The following ITGA2 variants were observed in gnomAD, a reference collection of about 807,000 sequenced individuals.
ITGA2 encodes integrin subunit alpha 2.
ITGA2 carries 101 observed loss-of-function variants against 146.3 expected under a neutral mutation model. The observed-to-expected ratio is 0.69, with a 90% confidence interval of 0.59 to 0.81. The LOEUF is 0.81. Among genes scored for constraint, ITGA2 ranks in the 40% least tolerant of loss-of-function variants. The pLI is 0.00. For synonymous variants in ITGA2, 477 were observed against 487.1 expected (o/e 0.98, Z 0.27); for missense variants, 1,281 against 1,402.7 (o/e 0.91, Z 1.39).
At chr5:53,068,586 C>T (rs765766780) in intron 16 of ITGA2, among the ~76,000 whole-genome samples, 12 of 151,762 alleles carry the variant, frequency 7.9e-5, no homozygotes, top group African/African-American at 1.2e-4. Context: ...CACAGGCTGC[C>T]GAGGGTTTCT....
chr5:53,088,849 C>T lies in ITGA2; in HGVS notation c.3349-1097C>T, dbSNP rs561110869. On this transcript the variant is annotated intron_variant, in intron 28 of 29. Transcript: ENST00000296585. ...ATAAGGTATGTAACCTAAATAATAACTTCACATGTTCCTAAGTATCTGTTA... is the reference window on the plus strand; with the variant it reads ...ATAAGGTATGTAACCTAAATAATAATTTCACATGTTCCTAAGTATCTGTTA... 5.3e-5 allele frequency among the ~76,000 whole-genome samples: 8 copies of T among 152,186 alleles called. No homozygotes were observed. The South Asian group carries it at 1.7e-3, about 32-fold the overall frequency.
intron 16 of ITGA2, among the ~76,000 whole-genome samples, chr5:53,069,017 T>A (rs1489002925): frequency 6.6e-6 from 1 of 151,940 alleles, no homozygotes; most frequent in Non-Finnish European, 1.5e-5. Context: ...TTGTTGGCAT[T>A]GTTAAGTCAC....
chr5:53,073,291 C>T (rs780675933), intron 20 of ITGA2, 32 bp downstream of exon 20: 7 of 1,608,736 alleles, frequency 4.4e-6, no homozygotes, highest in Non-Finnish European at 5.1e-6. Context: ...TTACTTCCAC[C>T]ATGCTTCCTA....
chr5:53,022,995 TA>T (rs1742763836), intron 1 of ITGA2, among the ~76,000 whole-genome samples: 1 of 152,228 alleles, frequency 6.6e-6, no homozygotes, highest in Admixed American at 6.5e-5. Flanking sequence ...GTATTTGGTG[TA>T]AGCTTTCGTG....
At chr5:53,010,937 T>G (rs1742093960) in intron 1 of ITGA2, among the ~76,000 whole-genome samples, 1 of 151,868 alleles carries the variant, frequency 6.6e-6, no homozygotes, top group African/African-American at 2.4e-5. Flanking sequence ...TTGACACATG[T>G]AAAGGGGAGG....
intron 1 of ITGA2, among the ~76,000 whole-genome samples, chr5:52,994,094 T>C (rs1393060263): frequency 1.3e-5 from 2 of 152,196 alleles, no homozygotes; most frequent in African/African-American, 4.8e-5. Flanking sequence ...AGGTGATCCA[T>C]AGAGGCTTTA....
chr5:53,043,142 TAA>T (rs1280115961), intron 3 of ITGA2, among the ~76,000 whole-genome samples: 1 of 152,092 alleles, frequency 6.6e-6, no homozygotes, highest in African/African-American at 2.4e-5. Context: ...TCAGCTTATT[TAA>T]GCAGGTTGTG....
rs1745193295 is a variant in ITGA2 at position 53,067,275 on chromosome 5, A to T, written c.2083+18A>T. ...TCAAGTGGGTGCGTAGATCTGAAAT[A>T]ATCTGTATAGAAATTGGTTGGCTTA... On this transcript the variant is annotated intron_variant, in intron 16 of 29. Coordinates refer to ENST00000296585, the MANE Select transcript of ITGA2 (RefSeq NM_002203.4). The T allele has an allele frequency of 2.5e-6, 4 of 1,610,870 alleles. No homozygotes were observed. The East Asian group carries it at 9.0e-5, about 36-fold the overall frequency.
chr5:53,010,323 A>C (rs1214014482), intron 1 of ITGA2, among the ~76,000 whole-genome samples: 1 of 152,240 alleles, frequency 6.6e-6, no homozygotes, highest in Non-Finnish European at 1.5e-5. Context: ...GACAGCCCAG[A>C]GAACAGAGGC....
chr5:53,086,651 C>T (rs547668786), intron 27 of ITGA2, among the ~76,000 whole-genome samples: 7 of 152,198 alleles, frequency 4.6e-5, no homozygotes, highest in Non-Finnish European at 1.5e-5. Context: ...CAACCCAGTT[C>T]TCAAGTTCAG....
rs1180237597 is a variant in ITGA2, at chr5:53,074,374, G to A, written c.2572-11G>A. On this transcript the variant is annotated splice_polypyrimidine_tract_variant and intron_variant, in intron 20 of 29. Transcript: ENST00000296585. The stretch of plus-strand genomic sequence containing the variant: ...CCAATTGATCATTGTTGTTTCCTTG[G>A]TCTTGTTCAGGTTGATGGGACAGAA... 1.2e-6 allele frequency: 2 copies of A among 1,610,182 alleles called. No individual in the cohort carries two copies. The highest frequency in any genetic ancestry group is 1.3e-5 in the African/African-American group (1 of 74,782).
chr5:53,003,599 C>G, intron 1 of ITGA2, among the ~76,000 whole-genome samples: 1 of 152,168 alleles, frequency 6.6e-6, no homozygotes, highest in East Asian at 1.9e-4. Flanking sequence ...CCAAAAGAAA[C>G]TGGCAGAATG....
chr5:53,063,705 AT>A (rs1745012396), intron 13 of ITGA2, among the ~76,000 whole-genome samples: 1 of 151,940 alleles, frequency 6.6e-6, no homozygotes, highest in Admixed American at 6.6e-5. Flanking sequence ...ATTTATTGAT[AT>A]TTATGTAAAA....
rs1418993613 is a variant in ITGA2 at position 53,056,001 on chromosome 5, C to G, written c.948C>G (p.Asn316Lys). 6.2e-7 allele frequency: 1 copy of G among 1,609,362 alleles called. No individual in the cohort carries two copies. The highest frequency in any genetic ancestry group is 1.7e-5 in the Admixed American group (1 of 59,718). ...TTTTCAAGGTTCTTGGGTACTTAAA[C>G]AGAAACGCCCTTGATACTAAAAATT... ...RFGIAVLGYL[N>K]RNALDTKNLI... The change falls in exon 9 of 30, where the codon AAC becomes AAG. Residue 316 changes from asparagine (N) to lysine (K), a missense_variant. Physicochemically the swap from Asn to Lys is moderately conservative, Grantham distance 94 (BLOSUM62 0). Coordinates refer to ENST00000296585, the MANE Select transcript of ITGA2 (RefSeq NM_002203.4).
intron 10 of ITGA2, among the ~76,000 whole-genome samples, chr5:53,059,316 G>A (rs1171743633): frequency 1.3e-5 from 2 of 151,894 alleles, no homozygotes; most frequent in Non-Finnish European, 2.9e-5. Flanking sequence ...CAAATAGATG[G>A]AATATAGGAA....
At chr5:53,083,805 GTC>G (rs997294282) in intron 27 of ITGA2, among the ~76,000 whole-genome samples, 5 of 152,150 alleles carry the variant, frequency 3.3e-5, no homozygotes, top group African/African-American at 1.2e-4. Context: ...CATCTTCCCA[GTC>G]TCCTGTGCCA....
chr5:53,054,691 G>A (rs2910964), intron 7 of ITGA2, among the ~76,000 whole-genome samples: 55,185 of 151,908 alleles, frequency 0.36, 10,200 homozygotes, highest in Admixed American at 0.43. Context: ...ATATGGAAAG[G>A]TCTCCATCAA....
intron 1 of ITGA2, among the ~76,000 whole-genome samples, chr5:52,996,304 A>T (rs1741247452): frequency 6.6e-6 from 1 of 152,158 alleles, no homozygotes; most frequent in Non-Finnish European, 1.5e-5. Context: ...TGTGGCAGAG[A>T]TTCATTGCAC....
At chr5:53,082,062 G>A (rs989885267) in intron 26 of ITGA2, among the ~76,000 whole-genome samples, 1 of 152,180 alleles carries the variant, frequency 6.6e-6, no homozygotes, top group African/African-American at 2.4e-5. Context: ...CTAGCTGTGT[G>A]CTACAGAGGA....
Sources: gnomAD v4.1 joint callset for allele counts (sites outside exome capture counted in the v4.1 genomes callset) on GRCh38, gnomAD v4.1.1 for gene constraint, MANE v1.5 for transcripts, NCBI Gene and HGNC (gene_info 2026-07-23, HGNC 2026-07-21) for gene names.